The following THSD4 variants were observed in gnomAD, a reference collection of about 807,000 sequenced individuals.
The protein encoded by THSD4 is thrombospondin type 1 domain containing 4.
A neutral mutation model predicts 119.0 loss-of-function variants in THSD4; 69 were observed. That is an observed-to-expected ratio of 0.58 (90% CI 0.48 to 0.71). The LOEUF (loss-of-function observed/expected upper bound fraction) is 0.71. THSD4 is among the 30% of genes least tolerant of loss of function. THSD4 has a pLI of 0.00. For missense variants in THSD4, 1,393 were observed against 1,391.1 expected (o/e 1.00, Z -0.02); for synonymous variants, 524 against 540.4 (o/e 0.97, Z 0.42).
intron 6 of THSD4, among the ~76,000 whole-genome samples, chr15:71,317,036 T>G (rs1373582853): frequency 6.6e-6 from 1 of 152,178 alleles, no homozygotes; most frequent in Non-Finnish European, 1.5e-5. Flanking sequence ...TTAGACAAAT[T>G]AGATTGCCTA....
At chr15:71,516,242 G>A (rs2048359860) in intron 7 of THSD4, among the ~76,000 whole-genome samples, 1 of 152,134 alleles carries the variant, frequency 6.6e-6, no homozygotes, top group Admixed American at 6.5e-5. Context: ...ACAGCTTGCA[G>A]CCTACATTAA....
At chr15:71,375,563 T>G (rs2046124173) in intron 6 of THSD4, among the ~76,000 whole-genome samples, 1 of 152,162 alleles carries the variant, frequency 6.6e-6, no homozygotes, top group Admixed American at 6.5e-5. Context: ...AATACATGTT[T>G]GTTGACAGAT....
At chr15:71,181,562 C>CA (rs1327471400) in intron 3 of THSD4, among the ~76,000 whole-genome samples, 12 of 152,166 alleles carry the variant, frequency 7.9e-5, no homozygotes, top group African/African-American at 2.9e-4. Flanking sequence ...TGCTTGTACC[C>CA]ATGAGTTGAA....
chr15:71,300,042 C>T (rs1395575732), intron 6 of THSD4, among the ~76,000 whole-genome samples: 2 of 147,506 alleles, frequency 1.4e-5, no homozygotes, highest in Non-Finnish European at 3.0e-5. Context: ...TCCCAGTGAC[C>T]CAGGAGGCTG....
chr15:71,461,463 A>G (rs1259726573), intron 7 of THSD4, among the ~76,000 whole-genome samples: 2 of 152,196 alleles, frequency 1.3e-5, no homozygotes, highest in African/African-American at 2.4e-5. Context: ...ACCAGTTGCC[A>G]TCTCAGAGCT....
chr15:71,327,518 G>T (rs1034110159), intron 6 of THSD4, among the ~76,000 whole-genome samples: 2 of 152,096 alleles, frequency 1.3e-5, no homozygotes, highest in African/African-American at 4.8e-5. Context: ...GTCTATGAAA[G>T]TTTCATTGCG....
intron 3 of THSD4, among the ~76,000 whole-genome samples, chr15:71,200,235 A>G (rs903419403): frequency 1.1e-4 from 16 of 152,116 alleles, no homozygotes; most frequent in Non-Finnish European, 5.9e-5. Flanking sequence ...TTGTTGGTCC[A>G]GACAGGCTGG....
chr15:71,684,384 C>T (rs1363333489), intron 8 of THSD4, among the ~76,000 whole-genome samples: 4 of 152,012 alleles, frequency 2.6e-5, no homozygotes, highest in Non-Finnish European at 5.9e-5. Flanking sequence ...CTTAACCTAT[C>T]TCTGATTTTA....
At chr15:71,442,962 G>A (rs1045922430) in intron 7 of THSD4, among the ~76,000 whole-genome samples, 1 of 151,292 alleles carries the variant, frequency 6.6e-6, no homozygotes, top group Non-Finnish European at 1.5e-5. Context: ...TTTATGCATC[G>A]AACCCTCCGA....
chr15:71,464,317 A>G (rs567407740), intron 7 of THSD4, among the ~76,000 whole-genome samples: 1 of 152,334 alleles, frequency 6.6e-6, no homozygotes, highest in Non-Finnish European at 1.5e-5. Context: ...GTGGGTGGCC[A>G]TATAGATGAG....
At chr15:71,336,975 G>C (rs2045496819) in intron 6 of THSD4, among the ~76,000 whole-genome samples, 1 of 152,180 alleles carries the variant, frequency 6.6e-6, no homozygotes, top group African/African-American at 2.4e-5. Flanking sequence ...CAGTTTACTT[G>C]AGGGCCTTCC....
Position 71,781,235 on chromosome 15 carries a change from G to A in THSD4, c.*3861G>A, listed in dbSNP as rs2053993644. On this transcript the variant is annotated 3_prime_UTR_variant, in exon 18 of 18. Coordinates refer to ENST00000261862, the MANE Select transcript of THSD4 (RefSeq NM_024817.3). ...GTGCTGGATCCAAAAAGATCAGGGAGACTAGAATAAAACTTGGATGTTAAA... is the reference window on the plus strand; with the variant it reads ...GTGCTGGATCCAAAAAGATCAGGGAAACTAGAATAAAACTTGGATGTTAAA... 2 of 157,168 alleles carry A rather than the reference G, an allele frequency of 1.3e-5. No homozygotes were observed. The highest frequency in any genetic ancestry group is 2.8e-5 in the Non-Finnish European group (2 of 70,796). 9.7% of individuals were successfully genotyped at this position (157,168 alleles called of 1,614,324 possible).
intron 6 of THSD4, among the ~76,000 whole-genome samples, chr15:71,392,970 C>T (rs565033207): frequency 5.9e-5 from 9 of 152,286 alleles, no homozygotes; most frequent in South Asian, 2.1e-4. Context: ...GAGAGGGAGC[C>T]GGGACTGCTG....
intron 6 of THSD4, among the ~76,000 whole-genome samples, chr15:71,332,606 C>T (rs949515271): frequency 1.3e-5 from 2 of 152,126 alleles, no homozygotes; most frequent in African/African-American, 2.4e-5. Flanking sequence ...CGGATTTGAA[C>T]CCCGGTTGAA....
At chr15:71,637,731 T>A (rs530223339) in intron 7 of THSD4, among the ~76,000 whole-genome samples, 140 of 151,968 alleles carry the variant, frequency 9.2e-4, no homozygotes, top group Non-Finnish European at 1.9e-3. Context: ...ATTATGAATT[T>A]TTTTTTTTTT....
intron 6 of THSD4, among the ~76,000 whole-genome samples, chr15:71,285,770 C>T (rs1170606274): frequency 1.5e-5 from 2 of 134,430 alleles, no homozygotes; most frequent in African/African-American, 5.6e-5. Context: ...AGAAGAATTG[C>T]TTGAACCTGG....
At chr15:71,197,869 T>G (rs1176222742) in intron 3 of THSD4, among the ~76,000 whole-genome samples, 1 of 149,262 alleles carries the variant, frequency 6.7e-6, no homozygotes, top group African/African-American at 2.5e-5. Context: ...GCCCTATGTG[T>G]GTTTGGCACT....
At chr15:71,117,945 G>C (rs1323892493) in intron 1 of THSD4, among the ~76,000 whole-genome samples, 1 of 152,148 alleles carries the variant, frequency 6.6e-6, no homozygotes, top group Non-Finnish European at 1.5e-5. Context: ...ACCACCCAGG[G>C]GAGAAAGGGA....
At chr15:71,145,338 C>T (rs923440174) in intron 2 of THSD4, among the ~76,000 whole-genome samples, 2 of 152,092 alleles carry the variant, frequency 1.3e-5, no homozygotes, top group African/African-American at 4.8e-5. Context: ...TGAAGAATTA[C>T]AGATGTAATG....
Sources: gnomAD v4.1 joint callset for allele counts (sites outside exome capture counted in the v4.1 genomes callset) on GRCh38, gnomAD v4.1.1 for gene constraint, MANE v1.5 for transcripts, NCBI Gene and HGNC (gene_info 2026-07-23, HGNC 2026-07-21) for gene names.